SRRM4: variants seen among roughly 807,000 people sequenced by gnomAD.
SRRM4 encodes the protein serine/arginine repetitive matrix 4.
In SRRM4, 33 loss-of-function variants were observed where a neutral mutation model predicts 68.9. The ratio of observed to expected loss-of-function variants is 0.48; its 90% CI spans 0.36 to 0.64. SRRM4 has a LOEUF of 0.64. Ranked by LOEUF, SRRM4 falls within the 30% of genes least tolerant of loss-of-function variation. SRRM4 has a pLI of 0.00. For synonymous variants in SRRM4, 318 were observed against 318.8 expected (o/e 1.00, Z 0.03); for missense variants, 817 against 827.1 (o/e 0.99, Z 0.15).
At chr12:119,129,782 T>C (rs1954282283) in intron 7 of SRRM4, among the ~76,000 whole-genome samples, 2 of 152,206 alleles carry the variant, frequency 1.3e-5, no homozygotes, top group South Asian at 2.1e-4. Context: ...GATAGGTGGA[T>C]GAATGGATGA....
intron 1 of SRRM4, among the ~76,000 whole-genome samples, chr12:119,097,824 C>T (rs999339819): frequency 6.6e-6 from 1 of 152,202 alleles, no homozygotes; most frequent in Non-Finnish European, 1.5e-5. Flanking sequence ...AGATAACTCA[C>T]GCCTCTACTC....
intron 1 of SRRM4, among the ~76,000 whole-genome samples, chr12:119,054,542 A>G (rs1953765247): frequency 6.6e-6 from 1 of 152,158 alleles, no homozygotes; most frequent in Non-Finnish European, 1.5e-5. Context: ...ACTTTCCTAC[A>G]TTTTGTGGAC....
Position 119,008,788 on chromosome 12 carries a change from C to T in SRRM4, c.131+26775C>T, listed in dbSNP as rs189733863. 3.4e-4 allele frequency among the ~76,000 whole-genome samples: 52 copies of T among 152,252 alleles called. 1 individual carries two copies. The East Asian group carries it at 8.5e-3, about 25-fold the overall frequency. ...CCCACCAGCCAGAGCCAACGGGCCG[C>T]CCCTTCCTCCACCAGCTCTCCGGCC... On this transcript the variant is annotated intron_variant, in intron 1 of 12. Coordinates refer to ENST00000267260, the MANE Select transcript of SRRM4 (RefSeq NM_194286.4).
chr12:118,986,807 A>C (rs1205634251), intron 1 of SRRM4, among the ~76,000 whole-genome samples: 1 of 152,170 alleles, frequency 6.6e-6, no homozygotes, highest in African/African-American at 2.4e-5. Flanking sequence ...AACATCCCTA[A>C]AACCCTAACT....
chr12:119,050,265 C>T (rs1007645935), intron 1 of SRRM4, among the ~76,000 whole-genome samples: 4 of 152,180 alleles, frequency 2.6e-5, no homozygotes, highest in South Asian at 2.1e-4. Context: ...TTTTCAACAC[C>T]TTCACCATCT....
intron 1 of SRRM4, among the ~76,000 whole-genome samples, chr12:119,034,089 A>G (rs11069230): frequency 0.17 from 25,352 of 152,178 alleles, 2,369 homozygotes; most frequent in East Asian, 0.4. Context: ...GTCAAGCGAC[A>G]CTTGTGGAAA....
chr12:119,158,446 G>A lies in SRRM4; in HGVS notation c.*1648G>A, dbSNP rs1954487716. On this transcript the variant is annotated 3_prime_UTR_variant, in exon 13 of 13. Coordinates refer to ENST00000267260, the MANE Select transcript of SRRM4 (RefSeq NM_194286.4). ...AATCTTTCCCATCCTATCAACCCAT[G>A]GGGCTAGAGACTGCCATGCAACCAC... 1 of 152,288 alleles carries A rather than the reference G, an allele frequency of 6.6e-6. No individual in the cohort carries two copies. 9.4% of individuals were successfully genotyped at this position (152,288 alleles called of 1,614,324 possible).
intron 1 of SRRM4, among the ~76,000 whole-genome samples, chr12:119,002,680 A>AC (rs1953392267): frequency 6.6e-6 from 1 of 152,062 alleles, no homozygotes; most frequent in South Asian, 2.1e-4. Context: ...TCTCTATTCA[A>AC]CCTAGGGCCA....
At chr12:118,985,304 A>C (rs1432203818) in intron 1 of SRRM4, among the ~76,000 whole-genome samples, 2 of 152,200 alleles carry the variant, frequency 1.3e-5, no homozygotes, top group Non-Finnish European at 2.9e-5. Context: ...ATAAATAATT[A>C]TCTGGATTCA....
At chr12:119,075,935 GTGA>G (rs201030030) in intron 1 of SRRM4, among the ~76,000 whole-genome samples, 21,237 of 116,482 alleles carry the variant, frequency 0.18, 1,967 homozygotes, top group East Asian at 0.3. Flanking sequence ...GGTGGTGATG[GTGA>G]TGATGATGGT....
intron 1 of SRRM4, among the ~76,000 whole-genome samples, chr12:119,013,966 T>TTTGACCATTACTTGATGGTCAAAGTAC (rs1233217248): frequency 1.3e-4 from 20 of 152,194 alleles, no homozygotes; most frequent in Admixed American, 1.2e-3. Context: ...AATCATTTTA[T>TTTGACCATTACTTGATGGTCAAAGTAC]TTGACCATTA....
At chr12:119,147,513 C>T (rs1237707378) in intron 9 of SRRM4, among the ~76,000 whole-genome samples, 1 of 152,120 alleles carries the variant, frequency 6.6e-6, no homozygotes, top group African/African-American at 2.4e-5. Context: ...GCAAATGGAC[C>T]ACGTTGGTGG....
chr12:119,030,752 T>G (rs1028935909), intron 1 of SRRM4, among the ~76,000 whole-genome samples: 1 of 152,210 alleles, frequency 6.6e-6, no homozygotes, highest in Non-Finnish European at 1.5e-5. Flanking sequence ...TAAATACTAT[T>G]TTCATGTCCA....
chr12:119,015,979 C>T (rs1344781447), intron 1 of SRRM4, among the ~76,000 whole-genome samples: 1 of 151,974 alleles, frequency 6.6e-6, no homozygotes, highest in Non-Finnish European at 1.5e-5. Flanking sequence ...TATTTGGAAA[C>T]TGCGTCACTG....
chr12:119,030,536 A>G (rs991351280), intron 1 of SRRM4, among the ~76,000 whole-genome samples: 1 of 146,210 alleles, frequency 6.8e-6, no homozygotes, highest in African/African-American at 2.8e-5. Flanking sequence ...ACAGAAAAAA[A>G]GAATATAAAA....
intron 1 of SRRM4, among the ~76,000 whole-genome samples, chr12:118,983,971 C>T (rs77789936): frequency 0.039 from 5,904 of 151,798 alleles, 157 homozygotes; most frequent in Non-Finnish European, 0.052. Context: ...GCCCTAGAAA[C>T]CACCCCTGAG....
intron 1 of SRRM4, among the ~76,000 whole-genome samples, chr12:119,034,641 C>A (rs1486051952): frequency 6.6e-6 from 1 of 152,144 alleles, no homozygotes; most frequent in Non-Finnish European, 1.5e-5. Flanking sequence ...TTCCTTTATA[C>A]CTTTTGAAGC....
chr12:118,991,416 C>T (rs1455356759), intron 1 of SRRM4, among the ~76,000 whole-genome samples: 1 of 152,150 alleles, frequency 6.6e-6, no homozygotes, highest in Non-Finnish European at 1.5e-5. Context: ...TAAGTCATAC[C>T]CCTCATTACA....
At chr12:119,125,623 A>T in intron 7 of SRRM4, 144 bp downstream of exon 7, 1 of 700,400 alleles carries the variant, frequency 1.4e-6, no homozygotes, top group Non-Finnish European at 2.3e-6. Context: ...ACTTCCCTGT[A>T]GAGAAAGGGC....
Sources: allele counts gnomAD v4.1 joint callset (sites outside exome capture counted in the v4.1 genomes callset), GRCh38; gene constraint gnomAD v4.1.1; transcripts MANE v1.5; gene names NCBI Gene and HGNC (gene_info 2026-07-23, HGNC 2026-07-21).